Variants in XKR6 observed in about 807,000 individuals in gnomAD.
XKR6 encodes the protein XK related 6.
A neutral mutation model predicts 56.7 loss-of-function variants in XKR6; 22 were observed. The ratio of observed to expected loss-of-function variants is 0.39; its 90% confidence interval spans 0.28 to 0.55. XKR6 has a LOEUF of 0.55. Ranked by LOEUF, XKR6 falls within the 20% of genes least tolerant of loss-of-function variation. The pLI, the probability that XKR6 is intolerant of heterozygous loss-of-function variation, is 0.66. For missense variants in XKR6, 852 were observed against 889.0 expected, an observed-to-expected ratio of 0.96 and a Z score of 0.53; for synonymous variants, 524 against 387.8, an observed-to-expected ratio of 1.35 and a Z score of -4.13.
intron 2 of XKR6, among the ~76,000 whole-genome samples, chr8:10,901,487 A>G (rs1380167753): frequency 6.6e-6 from 1 of 152,156 alleles, no homozygotes; most frequent in East Asian, 1.9e-4. Context: ...TCACATCTTC[A>G]TAGTCTGGAC....
chr8:11,187,747 A>G (rs1233436384), intron 1 of XKR6, among the ~76,000 whole-genome samples: 1 of 152,140 alleles, frequency 6.6e-6, no homozygotes, highest in East Asian at 1.9e-4. Context: ...TCACTCAATG[A>G]TGGTGTGGGG....
intron 1 of XKR6, among the ~76,000 whole-genome samples, chr8:11,068,392 G>T (rs201944639): frequency 1.0e-3 from 158 of 152,304 alleles, no homozygotes; most frequent in Non-Finnish European, 2.1e-3. Flanking sequence ...ATGAAGGACT[G>T]TCCTGCCCAA....
chr8:10,898,293 T>C lies in XKR6; in HGVS notation c.1585A>G (p.Met529Val), dbSNP rs751516723. The change falls in exon 3 of 3, where the codon ATG becomes GTG. Residue 529 changes from methionine (M) to valine (V), a missense_variant. Physicochemically the swap from Met to Val is conservative, Grantham distance 21. Around this residue, in one of 4 missense-constraint regions of XKR6, gnomAD observed 197 missense variants for 190.9 expected, o/e 1.03. Transcript: ENST00000416569. The surrounding 1 kb of genome is among the most constrained non-coding windows in gnomAD (Gnocchi z 6.6). ...CGGTACCCAGGGATCTCAGGCGCCA[T>C]GGGCTCAACATCGGGGGGCAAAGGG... ...GIPLPPDVEP[M>V]APEIPGYRGT... 2.5e-6 allele frequency: 4 copies of C among 1,613,960 alleles called. No homozygotes were observed. The highest frequency in any genetic ancestry group is 3.4e-6 in the Non-Finnish European group (4 of 1,179,976).
chr8:11,068,324 T>C lies in XKR6; in HGVS notation c.764+132252A>G, dbSNP rs546699786. ...TGACTGAGTAAGGGCATCCCTGGGA[T>C]ACGGTGGGTGGGGGGCTGGGCAGGC... On this transcript the variant is annotated intron_variant, in intron 1 of 2. Transcript: ENST00000416569. Among the ~76,000 whole-genome samples, 159 of 152,040 alleles carry C rather than the reference T, an allele frequency of 1.0e-3. 1 individual carries two copies. The highest frequency in any genetic ancestry group is 3.6e-3 in the African/African-American group (151 of 41,464).
At chr8:11,113,065 C>A (rs1003774934) in intron 1 of XKR6, among the ~76,000 whole-genome samples, 1 of 152,110 alleles carries the variant, frequency 6.6e-6, no homozygotes, top group South Asian at 2.1e-4. Flanking sequence ...GTAGCACCCT[C>A]CAGAATGAGA....
intron 1 of XKR6, among the ~76,000 whole-genome samples, chr8:11,152,308 G>A (rs2116979424): frequency 6.6e-6 from 1 of 152,290 alleles, no homozygotes; most frequent in Middle Eastern, 3.4e-3. Flanking sequence ...ACATTCAGAA[G>A]ACCCTCAGCC....
chr8:11,157,203 G>A (rs1801562920), intron 1 of XKR6, among the ~76,000 whole-genome samples: 1 of 152,154 alleles, frequency 6.6e-6, no homozygotes, highest in African/African-American at 2.4e-5. Flanking sequence ...AGAAACTGTT[G>A]CAGCGCAGAG....
intron 1 of XKR6, among the ~76,000 whole-genome samples, chr8:10,926,334 C>T (rs1434540145): frequency 6.6e-6 from 1 of 152,244 alleles, no homozygotes; most frequent in Non-Finnish European, 1.5e-5. Context: ...TACTAAGCCA[C>T]AAGGGTGACC....
At chr8:11,047,555 G>A (rs74889249) in intron 1 of XKR6, among the ~76,000 whole-genome samples, 8,281 of 152,162 alleles carry the variant, frequency 0.054, 320 homozygotes, top group South Asian at 0.1. Flanking sequence ...CCACATCTGT[G>A]AGGTCCCTAG....
intron 1 of XKR6, among the ~76,000 whole-genome samples, chr8:11,116,936 T>C (rs1799206568): frequency 6.6e-6 from 1 of 152,198 alleles, no homozygotes. Context: ...CTCAGAGGTA[T>C]ATTTCAGCTT....
chr8:10,974,460 C>T (rs75327395), intron 1 of XKR6, among the ~76,000 whole-genome samples: 12,263 of 152,218 alleles, frequency 0.081, 554 homozygotes, highest in Middle Eastern at 0.11. Flanking sequence ...GAAAGGCTAC[C>T]ATCTCCCTGA....
rs1166120004 is a variant in XKR6 at position 10,973,961 on chromosome 8, G to C, written c.765-49131C>G. Among the ~76,000 whole-genome samples, 5 of 152,296 alleles carry C rather than the reference G, an allele frequency of 3.3e-5. No homozygotes were observed. The East Asian group carries it at 7.7e-4, about 23-fold the overall frequency. ...CTTTCTAAATGACTTCATTTTTCTG[G>C]ATGTTATTATCATTCCAGTTTTTTT... is the stretch of plus-strand genomic sequence containing the variant. On this transcript the variant is annotated intron_variant, in intron 1 of 2. Transcript: ENST00000416569.
At chr8:11,094,433 T>C (rs1798203694) in intron 1 of XKR6, among the ~76,000 whole-genome samples, 2 of 150,074 alleles carry the variant, frequency 1.3e-5, no homozygotes, top group African/African-American at 2.5e-5. Context: ...CAAGTGATCG[T>C]CCCCCTTCAA....
chr8:11,190,105 C>T (rs1191442841), intron 1 of XKR6, among the ~76,000 whole-genome samples: 2 of 150,006 alleles, frequency 1.3e-5, no homozygotes, highest in African/African-American at 4.9e-5. Context: ...TGCAGTGAGC[C>T]GAGATCGCGC....
intron 1 of XKR6, chr8:11,062,978 G>C (rs1799876789): frequency 8.0e-6 from 3 of 373,926 alleles, no homozygotes; most frequent in South Asian, 5.9e-5. Context: ...CCTGGAGATG[G>C]AGGATGGAGG....
intron 1 of XKR6, among the ~76,000 whole-genome samples, chr8:11,139,478 C>T (rs1800572489): frequency 1.3e-5 from 2 of 152,108 alleles, no homozygotes; most frequent in South Asian, 4.2e-4. Flanking sequence ...CATTTCTTGC[C>T]AGCAGCTGCT....
At chr8:11,198,716 C>G (rs1215545842) in intron 1 of XKR6, among the ~76,000 whole-genome samples, 1 of 152,100 alleles carries the variant, frequency 6.6e-6, no homozygotes, top group African/African-American at 2.4e-5. Context: ...AGGACAGATT[C>G]CATTAGAAAC....
At chr8:10,947,947 G>A (rs894893682) in intron 1 of XKR6, among the ~76,000 whole-genome samples, 1 of 152,212 alleles carries the variant, frequency 6.6e-6, no homozygotes, top group Admixed American at 6.5e-5. Context: ...CCAGGACGAA[G>A]TGGCTGTCAG....
chr8:10,945,158 T>C (rs1240954342), intron 1 of XKR6, among the ~76,000 whole-genome samples: 2 of 152,104 alleles, frequency 1.3e-5, no homozygotes, highest in Admixed American at 6.5e-5. Context: ...ACCAGGGCCT[T>C]CTCCAAGACG....
Sources: gnomAD v4.1 joint callset for allele counts (sites outside exome capture counted in the v4.1 genomes callset) on GRCh38, gnomAD v4.1.1 for gene constraint, gnomAD v4.1.1 regional missense constraint, Gnocchi (gnomAD v3.1) non-coding constraint, MANE v1.5 for transcripts, NCBI Gene and HGNC (gene_info 2026-07-23, HGNC 2026-07-21) for gene names.